Variants in TENM4 observed in about 807,000 individuals in gnomAD.
The protein encoded by TENM4 is teneurin transmembrane protein 4.
In TENM4, 82 loss-of-function variants were observed where a neutral mutation model predicts 243.3. The ratio of observed to expected loss-of-function variants is 0.34; its 90% confidence interval spans 0.28 to 0.40. The LOEUF (loss-of-function observed/expected upper bound fraction) is 0.40. TENM4 is among the 10% of genes least tolerant of loss of function. TENM4 has a pLI of 1.00. For missense variants in TENM4, 3,138 were observed against 3,673.3 expected, an observed-to-expected ratio of 0.85 and a Z score of 3.77; for synonymous variants, 1,412 against 1,456.3, an observed-to-expected ratio of 0.97 and a Z score of 0.69.
At chr11:79,176,317 T>G (rs1863158601) in intron 3 of TENM4, among the ~76,000 whole-genome samples, 1 of 152,124 alleles carries the variant, frequency 6.6e-6, no homozygotes, top group African/African-American at 2.4e-5. Context: ...TACACTCCAT[T>G]TACTCCAGTT....
At chr11:78,771,181 C>A in intron 17 of TENM4, 43 bp from the exon 18 acceptor site, 1 of 1,550,126 alleles carries the variant, frequency 6.5e-7, no homozygotes, top group South Asian at 1.2e-5. Context: ...CACCCAGAGT[C>A]AACTGCCATC....
intron 3 of TENM4, among the ~76,000 whole-genome samples, chr11:79,200,577 G>A (rs10899608): frequency 2.0e-5 from 3 of 152,010 alleles, no homozygotes; most frequent in Non-Finnish European, 4.4e-5. Flanking sequence ...TGTGTGGCCA[G>A]GCCTGGTGCC....
intron 2 of TENM4, among the ~76,000 whole-genome samples, chr11:79,240,987 G>C (rs887964333): frequency 2.3e-4 from 35 of 152,100 alleles, no homozygotes; most frequent in African/African-American, 8.0e-4. Context: ...TTTAATATTA[G>C]AAGTCTTCCA....
intron 6 of TENM4, among the ~76,000 whole-genome samples, chr11:79,052,725 C>T (rs779726234): frequency 2.0e-4 from 31 of 152,184 alleles, no homozygotes; most frequent in Admixed American, 5.2e-4. Flanking sequence ...ATCTGCTGGC[C>T]TCTCAGCCAA....
chr11:79,359,831 G>A (rs1295846126), intron 1 of TENM4, among the ~76,000 whole-genome samples: 1 of 152,042 alleles, frequency 6.6e-6, no homozygotes, highest in Non-Finnish European at 1.5e-5. Context: ...AGAGCTCTGG[G>A]CCAGACAGGG....
chr11:79,424,402 G>C (rs1187304041), intron 1 of TENM4, among the ~76,000 whole-genome samples: 2 of 152,172 alleles, frequency 1.3e-5, no homozygotes, highest in Non-Finnish European at 2.9e-5. Flanking sequence ...ATGAGTTCGA[G>C]ACCAGCCTGG....
intron 9 of TENM4, among the ~76,000 whole-genome samples, chr11:78,876,122 A>G: frequency 6.6e-6 from 1 of 152,204 alleles, no homozygotes; most frequent in East Asian, 1.9e-4. Context: ...ATTTGACTGC[A>G]GCAGGCCTCA....
At chr11:78,791,654 A>G (rs144979093) in intron 15 of TENM4, among the ~76,000 whole-genome samples, 1 of 152,376 alleles carries the variant, frequency 6.6e-6, no homozygotes, top group East Asian at 1.9e-4. Context: ...CATGGCAGAC[A>G]GATATAACCT....
chr11:79,244,651 T>C (rs1159015899), intron 2 of TENM4, among the ~76,000 whole-genome samples: 1 of 152,118 alleles, frequency 6.6e-6, no homozygotes, highest in African/African-American at 2.4e-5. Flanking sequence ...AATAAAAAAA[T>C]ATATTATGAC....
intron 16 of TENM4, among the ~76,000 whole-genome samples, chr11:78,785,071 T>C (rs1856908370): frequency 6.6e-6 from 1 of 151,960 alleles, no homozygotes; most frequent in African/African-American, 2.4e-5. Context: ...TTTTTTTGTT[T>C]TTGTTTTTTA....
chr11:79,130,752 G>A (rs1043524258), intron 4 of TENM4, among the ~76,000 whole-genome samples: 1 of 152,172 alleles, frequency 6.6e-6, no homozygotes, highest in African/African-American at 2.4e-5. Context: ...GAACTCGGGG[G>A]GCGGAGCTTG....
At chr11:78,934,581 T>C (rs1476757824) in intron 6 of TENM4, among the ~76,000 whole-genome samples, 1 of 152,208 alleles carries the variant, frequency 6.6e-6, no homozygotes, top group Non-Finnish European at 1.5e-5. Flanking sequence ...TAGGAGTGCT[T>C]ATGTACATCA....
chr11:79,322,656 A>T (rs1347490388), intron 1 of TENM4, among the ~76,000 whole-genome samples: 1 of 152,250 alleles, frequency 6.6e-6, no homozygotes, highest in Admixed American at 6.5e-5. Context: ...AAAGGGAAAA[A>T]AAAGACAAGC....
chr11:79,091,010 C>G (rs1401163215), intron 4 of TENM4, among the ~76,000 whole-genome samples: 1 of 152,100 alleles, frequency 6.6e-6, no homozygotes, highest in Non-Finnish European at 1.5e-5. Context: ...TTGTGAGAGT[C>G]TGGAGGTACA....
chr11:79,332,542 A>G (rs1857078447), intron 1 of TENM4, among the ~76,000 whole-genome samples: 1 of 151,976 alleles, frequency 6.6e-6, no homozygotes, highest in African/African-American at 2.4e-5. Flanking sequence ...TCTGGGGGCT[A>G]ATTGTGGCCA....
At chr11:79,230,087 G>C (rs564891757) in intron 2 of TENM4, among the ~76,000 whole-genome samples, 2 of 148,772 alleles carry the variant, frequency 1.3e-5, no homozygotes, top group Non-Finnish European at 3.0e-5. Context: ...GCATGTATCT[G>C]TTTCTTCAGG....
rs142350447 is a variant in TENM4, at chr11:78,677,480, C to T, written c.5261-1093G>A. ...TATTTGACCAGGCAGGTCTTGAACTCCTGGGCTCAAGCAATCCTTCCACCT... is the reference window on the plus strand; with the variant it reads ...TATTTGACCAGGCAGGTCTTGAACTTCTGGGCTCAAGCAATCCTTCCACCT... On this transcript the variant is annotated intron_variant, in intron 29 of 33. Coordinates refer to ENST00000278550, the MANE Select transcript of TENM4 (RefSeq NM_001098816.3). 7.8e-3 allele frequency among the ~76,000 whole-genome samples: 1,179 copies of T among 152,094 alleles called. 11 individuals are homozygous for T. The highest frequency in any genetic ancestry group is 0.017 in the Middle Eastern group (5 of 294).
chr11:78,788,402 G>T (rs1565379468), intron 15 of TENM4, among the ~76,000 whole-genome samples: 1 of 152,378 alleles, frequency 6.6e-6, no homozygotes, highest in East Asian at 1.9e-4. Flanking sequence ...CAGCTGTAAA[G>T]TGGGAAGGGA....
chr11:78,668,156 A>T (rs537792812), intron 32 of TENM4, among the ~76,000 whole-genome samples: 14 of 152,188 alleles, frequency 9.2e-5, no homozygotes, highest in Non-Finnish European at 2.1e-4. Context: ...CCTACCAGGT[A>T]GGTGTTAGTT....
Sources: gnomAD v4.1 joint callset for allele counts (sites outside exome capture counted in the v4.1 genomes callset) on GRCh38, gnomAD v4.1.1 for gene constraint, MANE v1.5 for transcripts, NCBI Gene and HGNC (gene_info 2026-07-23, HGNC 2026-07-21) for gene names.